B3GNT4: variants seen among roughly 807,000 people sequenced by gnomAD.
The protein encoded by B3GNT4 is UDP-GlcNAc:betaGal beta-1,3-N-acetylglucosaminyltransferase 4.
A neutral mutation model predicts 2.7 loss-of-function variants in B3GNT4; 2 were observed. The observed-to-expected ratio is 0.73, with a 90% CI of 0.30 to 2.31. B3GNT4 has a LOEUF of 2.31. B3GNT4 is among the 30% of genes most tolerant of loss of function. The pLI, the probability that B3GNT4 is intolerant of heterozygous loss-of-function variation, is 0.12. For missense variants in B3GNT4, 708 were observed against 490.9 expected (o/e 1.44, Z -4.18); for synonymous variants, 280 against 203.4 (o/e 1.38, Z -3.20).
chr12:122,206,344 C>T lies in B3GNT4; in HGVS notation c.93C>T (p.Cys31=), dbSNP rs1317920489. 4 of 1,590,990 alleles carry T rather than the reference C, an allele frequency of 2.5e-6. No homozygotes were observed. Among genetic ancestry groups the T allele is most frequent in the Middle Eastern group, 1.8e-4 (1 of 5,490 alleles). Residue 31 remains cysteine, a synonymous_variant, in exon 3 of 3, where the codon TGC becomes TGT. Coordinates refer to ENST00000324189, the MANE Select transcript of B3GNT4 (RefSeq NM_030765.4). The part of the protein sequence containing the change: ...PKGPAMLCRL[C]WLVSYSLAVL... ...GACCGGCGATGCTCTGCAGGCTGTG[C>T]TGGCTGGTCTCGTACAGCTTGGCTG...
Position 122,206,923 on chromosome 12 carries a change from C to CGTTG in B3GNT4, c.674_675insTGGT (p.Pro226GlyfsTer33). On this transcript the variant is annotated frameshift_variant, in exon 3 of 3. Coordinates refer to ENST00000324189, the MANE Select transcript of B3GNT4 (RefSeq NM_030765.4). LOFTEE classifies it low-confidence loss of function (END_TRUNC). ...AGGGAGATGACGATGTCTTTGTCCACGTCCCCAACGTGTTAGAGTTCCTGG... is the reference window on the plus strand; with the variant it reads ...AGGGAGATGACGATGTCTTTGTCCACGTTGGTCCCCAACGTGTTAGAGTTCCTGG... 1 of 1,614,086 alleles carries CGTTG rather than the reference C, an allele frequency of 6.2e-7. No homozygotes were observed. The highest frequency in any genetic ancestry group is 8.5e-7 in the Non-Finnish European group (1 of 1,180,010).
At position 122,208,916 on chromosome 12, in the gene B3GNT4, AAG is replaced by A. The variant is rs1262368158; in HGVS notation, c.*1532_*1533del. The A allele has an allele frequency of 5.2e-6, 2 of 387,558 alleles. No homozygotes were observed. The highest frequency in any genetic ancestry group is 1.0e-5 in the Non-Finnish European group (2 of 200,970). The allele number at this position is 387,558 out of a possible 1,614,324, so 24.0% of individuals were successfully genotyped here. ...ACACATCTTCCATTTCTTTTTGACA[AAG>A]AGATCATGAATAAAATTGTCAAAGA... On this transcript the variant is annotated 3_prime_UTR_variant, in exon 3 of 3. Coordinates refer to ENST00000324189, the MANE Select transcript of B3GNT4 (RefSeq NM_030765.4).
Position 122,206,961 on chromosome 12 carries a change from C to T in B3GNT4, c.710C>T (p.Pro237Leu). Reference protein sequence around the residue: ...NVLEFLDGWDPAQDLLVGDVI... With the variant: ...NVLEFLDGWDLAQDLLVGDVI... Reference sequence around the variant, plus strand: ...TTAGAGTTCCTGGATGGCTGGGACCCAGCCCAGGACCTCCTGGTGGGAGAT... The same window carrying T: ...TTAGAGTTCCTGGATGGCTGGGACCTAGCCCAGGACCTCCTGGTGGGAGAT... Residue 237 changes from proline (P) to leucine (L), a missense_variant, in exon 3 of 3, where the codon CCA (proline) becomes CTA (leucine). Transcript: ENST00000324189. 6.2e-7 allele frequency: 1 copy of T among 1,613,070 alleles called. No homozygotes were observed. The highest frequency in any genetic ancestry group is 1.7e-5 in the Admixed American group (1 of 60,010).
chr12:122,204,754 A>G (rs1289672278), intron 2 of B3GNT4, 70 bp downstream of exon 2: 2 of 1,376,568 alleles, frequency 1.5e-6, no homozygotes, highest in Non-Finnish European at 2.0e-6. Context: ...CAGGGGGCTC[A>G]GAAAACTCTG....
Position 122,203,731 on chromosome 12 carries a change from G to A in B3GNT4, c.-168G>A, listed in dbSNP as rs1953876710. On this transcript the variant is annotated 5_prime_UTR_variant, in exon 1 of 3. Coordinates refer to ENST00000324189, the MANE Select transcript of B3GNT4 (RefSeq NM_030765.4). ...CCCACTCCCGAGCCCCGAGAGCTCC[G>A]CGCACCTGGGCGCCATCCGCCCTGG... 4.0e-6 allele frequency: 1 copy of A among 252,224 alleles called. No homozygotes were observed. Among genetic ancestry groups the A allele is most frequent in the Non-Finnish European group, 7.2e-6 (1 of 139,256 alleles). 15.6% of individuals were successfully genotyped at this position (252,224 alleles called of 1,614,324 possible). A position where few individuals can be genotyped will look rare whatever the true frequency, so the allele number is the denominator to read the frequency against.
At position 122,206,449 on chromosome 12, in the gene B3GNT4, G is replaced by A. The variant is rs1193358172; in HGVS notation, c.198G>A (p.Trp66Ter). 2 of 1,614,098 alleles carry A rather than the reference G, an allele frequency of 1.2e-6. No individual in the cohort carries two copies. The highest frequency in any genetic ancestry group is 1.7e-6 in the Non-Finnish European group (2 of 1,179,990). The stretch of plus-strand genomic sequence containing the variant: ...ACCCCACGGCCCACCAGCCTTTCTG[G>A]GCTCCCCCAACACCCCGTCACAGCC... ...AGDPTAHQPF[W>*]APPTPRHSRC... The change falls in exon 3 of 3, where the codon TGG becomes TGA. Residue 66 changes from tryptophan (W) to a stop codon, truncating the protein, a stop_gained. Transcript: ENST00000324189. LOFTEE classifies it low-confidence loss of function (END_TRUNC).
At chr12:122,204,501 G>T in intron 1 of B3GNT4, 21 bp from the exon 2 acceptor site, 9 of 866,666 alleles carry the variant, frequency 1.0e-5, no homozygotes, top group Middle Eastern at 3.0e-4. Context: ...ACCGCCGCCC[G>T]CCCGGGCCTC....
rs1196593706 is a variant in B3GNT4 at position 122,207,988 on chromosome 12, A to G, written c.*600A>G. On this transcript the variant is annotated 3_prime_UTR_variant, in exon 3 of 3. Coordinates refer to ENST00000324189, the MANE Select transcript of B3GNT4 (RefSeq NM_030765.4). ...CCACAACTGGCATCCCAACAGAGGG[A>G]ACAAGTACTAAATCATTTTTGACGA... is the stretch of plus-strand genomic sequence containing the variant. 1 of 473,780 alleles carries G rather than the reference A, an allele frequency of 2.1e-6. No individual in the cohort carries two copies. The highest frequency in any genetic ancestry group is 4.2e-6 in the Non-Finnish European group (1 of 240,644). The allele number at this position is 473,780 out of a possible 1,614,324, so 29.3% of individuals were successfully genotyped here. A position where few individuals can be genotyped will look rare whatever the true frequency, so the allele number is the denominator to read the frequency against.
intron 1 of B3GNT4, among the ~76,000 whole-genome samples, chr12:122,204,281 C>T (rs1458154338): frequency 1.3e-5 from 2 of 151,978 alleles, no homozygotes; most frequent in Non-Finnish European, 2.9e-5. Flanking sequence ...GGACCCGCGC[C>T]CCACCAGACG....
rs758601645 is a variant in B3GNT4, at chr12:122,206,950, T to C, written c.699T>C (p.Asp233=). 2 of 1,614,114 alleles carry C rather than the reference T, an allele frequency of 1.2e-6. No homozygotes were observed. Among genetic ancestry groups the C allele is most frequent in the East Asian group, 2.2e-5 (1 of 44,872 alleles). The part of the protein sequence containing the change: ...VHVPNVLEFL[D]GWDPAQDLLV... Reference sequence around the variant, plus strand: ...TCCCCAACGTGTTAGAGTTCCTGGATGGCTGGGACCCAGCCCAGGACCTCC... The same window carrying C: ...TCCCCAACGTGTTAGAGTTCCTGGACGGCTGGGACCCAGCCCAGGACCTCC... Residue 233 remains aspartate, a synonymous_variant, in exon 3 of 3, where the codon GAT becomes GAC. Transcript: ENST00000324189.
intron 2 of B3GNT4, chr12:122,205,266 G>C (rs1263319806): frequency 6.5e-6 from 1 of 153,268 alleles, no homozygotes; most frequent in Non-Finnish European, 1.5e-5. Flanking sequence ...TATGGGATCC[G>C]TCCTCCGCGT....
Position 122,206,427 on chromosome 12 carries a change from C to A in B3GNT4, c.176C>A (p.Pro59His). 1 of 1,613,976 alleles carries A rather than the reference C, an allele frequency of 6.2e-7. No homozygotes were observed. The highest frequency in any genetic ancestry group is 8.5e-7 in the Non-Finnish European group (1 of 1,180,006). The change falls in exon 3 of 3, where the codon CCC becomes CAC. Residue 59 changes from proline to histidine, a missense_variant. Pro to His is a moderately conservative substitution (Grantham distance 77). Coordinates refer to ENST00000324189, the MANE Select transcript of B3GNT4 (RefSeq NM_030765.4). The part of the protein sequence containing the change: ...LRKAAKPAGD[P>H]TAHQPFWAPP... ...AAGGCGGCCAAGCCCGCAGGAGACC[C>A]CACGGCCCACCAGCCTTTCTGGGCT...
rs1023352894 is a variant in B3GNT4 at position 122,206,670 on chromosome 12, C to T, written c.419C>T (p.Thr140Met). Residue 140 changes from threonine (T) to methionine (M), a missense_variant, in exon 3 of 3, where the codon ACG (threonine) becomes ATG (methionine). Physicochemically the swap from Thr to Met is moderately conservative, Grantham distance 81. Transcript: ENST00000324189. ...HVERRAAIRS[T>M]WGRVGGWARG... ...GAGCGACGTGCGGCTATCCGCAGCACGTGGGGCAGGGTGGGGGGATGGGCT... is the reference window on the plus strand; with the variant it reads ...GAGCGACGTGCGGCTATCCGCAGCATGTGGGGCAGGGTGGGGGGATGGGCT... 6.2e-7 allele frequency: 1 copy of T among 1,613,272 alleles called. No individual in the cohort carries two copies. The highest frequency in any genetic ancestry group is 1.7e-5 in the Admixed American group (1 of 60,018).
Position 122,206,683 on chromosome 12 carries a change from G to A in B3GNT4, c.432G>A (p.Val144=). 1.2e-6 allele frequency: 2 copies of A among 1,612,450 alleles called. No homozygotes were observed. The highest frequency in any genetic ancestry group is 1.7e-6 in the Non-Finnish European group (2 of 1,179,452). ...RAAIRSTWGR[V]GGWARGRQLK... is the part of the protein sequence containing the mutation. The stretch of plus-strand genomic sequence containing the variant: ...CTATCCGCAGCACGTGGGGCAGGGT[G>A]GGGGGATGGGCTAGGGGCCGGCAGC... Residue 144 remains valine, a synonymous_variant, in exon 3 of 3, where the codon GTG becomes GTA. Coordinates refer to ENST00000324189, the MANE Select transcript of B3GNT4 (RefSeq NM_030765.4).
rs371241484 is a variant in B3GNT4, at chr12:122,208,422, G to C, written c.*1034G>C. On this transcript the variant is annotated 3_prime_UTR_variant, in exon 3 of 3. Coordinates refer to ENST00000324189, the MANE Select transcript of B3GNT4 (RefSeq NM_030765.4). Reference sequence around the variant, plus strand: ...TAGGCCTCCTGCTCCGACTCAGCCCGCTCCTCCCCTTCCTCCTGTGTTTTC... The same window carrying C: ...TAGGCCTCCTGCTCCGACTCAGCCCCCTCCTCCCCTTCCTCCTGTGTTTTC... The C allele has an allele frequency of 2.5e-6, 4 of 1,613,348 alleles. No individual in the cohort carries two copies. The African/African-American group carries it at 5.3e-5, about 22-fold the overall frequency.
rs757298254 is a variant in B3GNT4, at chr12:122,207,355, C to T, written c.1104C>T (p.Leu368=). 1 of 1,592,622 alleles carries T rather than the reference C, an allele frequency of 6.3e-7. No individual in the cohort carries two copies. The highest frequency in any genetic ancestry group is 8.6e-7 in the Non-Finnish European group (1 of 1,168,020). Residue 368 remains leucine (L), a synonymous_variant, in exon 3 of 3, where the codon CTC becomes CTT. Coordinates refer to ENST00000324189, the MANE Select transcript of B3GNT4 (RefSeq NM_030765.4). The part of the protein sequence containing the change: ...TMWALVTDEG[L]KCAAGPIPQR ...GGGCACTGGTGACAGATGAGGGGCT[C>T]AAGTGTGCAGCTGGCCCCATACCCC...
At position 122,206,642 on chromosome 12, in the gene B3GNT4, G is replaced by A. The variant is rs1186576663; in HGVS notation, c.391G>A (p.Val131Met). ...GGCCATCAAGTCACAGCCTGGTCACGTGGAGCGACGTGCGGCTATCCGCAG... is the reference window on the plus strand; with the variant it reads ...GGCCATCAAGTCACAGCCTGGTCACATGGAGCGACGTGCGGCTATCCGCAG... ...LLAIKSQPGH[V>M]ERRAAIRSTW... Residue 131 changes from valine (V) to methionine (M), a missense_variant, in exon 3 of 3, where the codon GTG (valine) becomes ATG (methionine). By Grantham distance (21) the Val-to-Met change is conservative. Transcript: ENST00000324189. The A allele has an allele frequency of 2.4e-5, 38 of 1,613,776 alleles. No individual in the cohort carries two copies. The East Asian group carries it at 2.9e-4, about 12-fold the overall frequency.
In B3GNT4 at chr12:122,207,679, C is replaced by T; in HGVS notation, c.*291C>T. 2 of 616,358 alleles carry T rather than the reference C, an allele frequency of 3.2e-6. No individual in the cohort carries two copies. The highest frequency in any genetic ancestry group is 6.0e-6 in the Non-Finnish European group (2 of 331,378). 38.2% of individuals were successfully genotyped at this position (616,358 alleles called of 1,614,324 possible). ...AGGCTGCATAGGACCCCAGGAGAGA[C>T]GCATTTTCTCTTTCAGATGCAAACA... On this transcript the variant is annotated 3_prime_UTR_variant, in exon 3 of 3. Coordinates refer to ENST00000324189, the MANE Select transcript of B3GNT4 (RefSeq NM_030765.4).
In B3GNT4 at chr12:122,204,564, C is replaced by A. The variant is rs1444378488; in HGVS notation, c.-55C>A. 2 of 1,370,590 alleles carry A rather than the reference C, an allele frequency of 1.5e-6. No homozygotes were observed. The highest frequency in any genetic ancestry group is 1.8e-5 in the Admixed American group (1 of 56,594). The allele number at this position is 1,370,590 out of a possible 1,614,324, so 84.9% of individuals were successfully genotyped here. A position where few individuals can be genotyped will look rare whatever the true frequency, so the allele number is the denominator to read the frequency against. On this transcript the variant is annotated 5_prime_UTR_variant, in exon 2 of 3. Transcript: ENST00000324189. ...CCTGAGACTCATCTCGCTTCGACCC[C>A]GCCGCCGCCGCCGCCCGGCATCCTG...
Sources: allele counts gnomAD v4.1 joint callset (sites outside exome capture counted in the v4.1 genomes callset), GRCh38; gene constraint gnomAD v4.1.1; transcripts MANE v1.5; gene names NCBI Gene and HGNC (gene_info 2026-07-23, HGNC 2026-07-21).